Variants in LANCL1 observed in about 807,000 individuals in gnomAD.
The protein encoded by LANCL1 is LanC like glutathione S-transferase 1, also known as glutathione S-transferase LANCL1.
In LANCL1, 50 loss-of-function variants were observed where a neutral mutation model predicts 50.6. The ratio of observed to expected loss-of-function variants is 0.99; its 90% CI spans 0.79 to 1.25. The LOEUF (loss-of-function observed/expected upper bound fraction) is 1.25. Among genes scored for constraint, LANCL1 ranks in the 50% most tolerant of loss-of-function variants. The pLI is 0.00. For synonymous variants in LANCL1, 188 were observed against 178.6 expected (o/e 1.05, Z -0.42); for missense variants, 532 against 480.7 (o/e 1.11, Z -1.00).
In LANCL1 at chr2:210,459,908, C is replaced by A. The variant is rs1192103627; in HGVS notation, c.200-4594G>T. On this transcript the variant is annotated intron_variant, in intron 3 of 9. Coordinates refer to ENST00000450366, the MANE Select transcript of LANCL1 (RefSeq NM_006055.3). Reference sequence around the variant, plus strand: ...GATGGGAGGGTAAATTATTTAGGGACACTTCTAAATCTGCAATTTCCTTAC... The same window carrying A: ...GATGGGAGGGTAAATTATTTAGGGAAACTTCTAAATCTGCAATTTCCTTAC... 2.6e-5 allele frequency among the ~76,000 whole-genome samples: 4 copies of A among 151,526 alleles called. No individual in the cohort carries two copies. In the East Asian group the frequency reaches 5.8e-4, roughly 22 times the overall value.
In LANCL1 at chr2:210,441,377, G is replaced by A. The variant is rs372717552; in HGVS notation, c.474C>T (p.Tyr158=). 22 of 1,613,114 alleles carry A rather than the reference G, an allele frequency of 1.4e-5. No individual in the cohort carries two copies. The African/African-American group carries it at 2.3e-4, about 17-fold the overall frequency. The part of the protein sequence containing the change: ...PNEMLYGRIG[Y]IYALLFVNKN... ...TATTGACAAAAAGAAGAGCATAGAT[G>A]TAGCCTATTCGCCCATAGAGCATTT... is the stretch of plus-strand genomic sequence containing the variant. Residue 158 remains tyrosine, a synonymous_variant, in exon 5 of 10, where the codon TAC becomes TAT. Transcript: ENST00000450366.
At chr2:210,449,537 CAGAT>C (rs1225154244) in intron 4 of LANCL1, among the ~76,000 whole-genome samples, 1 of 152,138 alleles carries the variant, frequency 6.6e-6, no homozygotes, top group Non-Finnish European at 1.5e-5. Context: ...AAAGGGTACT[CAGAT>C]AGGAACAGAG....
In LANCL1 at chr2:210,471,372, T is replaced by G. The variant is rs190141228; in HGVS notation, c.199+587A>C. The stretch of plus-strand genomic sequence containing the variant: ...TTCTTTGATTTTTCTCTTTCTCACC[T>G]TTTTTTGACATCAATGCACTGTTTC... On this transcript the variant is annotated intron_variant, in intron 3 of 9. Coordinates refer to ENST00000450366, the MANE Select transcript of LANCL1 (RefSeq NM_006055.3). 2.7e-5 allele frequency: 9 copies of G among 336,716 alleles called. 2 individuals are homozygous for G. The highest frequency in any genetic ancestry group is 1.9e-4 in the South Asian group (8 of 42,572). 20.9% of individuals were successfully genotyped at this position (336,716 alleles called of 1,614,324 possible). A position where few individuals can be genotyped will look rare whatever the true frequency, so the allele number is the denominator to read the frequency against.
intron 6 of LANCL1, among the ~76,000 whole-genome samples, chr2:210,438,133 CTTTTTTTTTTT>C (rs397869730): frequency 1.5e-5 from 2 of 130,632 alleles, no homozygotes; most frequent in African/African-American, 5.7e-5. Flanking sequence ...GTTTTTCTTT[CTTTTTTTTTTT>C]TTTTTTTGAG....
At chr2:210,465,495 A>C (rs549299311) in intron 3 of LANCL1, among the ~76,000 whole-genome samples, 1 of 152,358 alleles carries the variant, frequency 6.6e-6, no homozygotes, top group African/African-American at 2.4e-5. Context: ...AAGAATGAAA[A>C]GGAAATTCAT....
At position 210,456,963 on chromosome 2, in the gene LANCL1, T is replaced by C. The variant is rs114958416; in HGVS notation, c.200-1649A>G. Reference sequence around the variant, plus strand: ...TTTCTCATGAAAAACAGGTAATCATTTCTCAAGTCTCACAAGAGTACATTT... The same window carrying C: ...TTTCTCATGAAAAACAGGTAATCATCTCTCAAGTCTCACAAGAGTACATTT... On this transcript the variant is annotated intron_variant, in intron 3 of 9. Coordinates refer to ENST00000450366, the MANE Select transcript of LANCL1 (RefSeq NM_006055.3). Among the ~76,000 whole-genome samples the C allele has an allele frequency of 7.2e-3, 1,104 of 152,328 alleles. 10 individuals carry two copies. The highest frequency in any genetic ancestry group is 0.025 in the African/African-American group (1,040 of 41,582).
chr2:210,459,282 C>T (rs555761325), intron 3 of LANCL1, among the ~76,000 whole-genome samples: 2 of 151,964 alleles, frequency 1.3e-5, no homozygotes, highest in South Asian at 4.1e-4. Flanking sequence ...ATACTATATA[C>T]AAAAGTCAAC....
chr2:210,443,492 C>T (rs371212289), intron 4 of LANCL1, among the ~76,000 whole-genome samples: 55 of 152,278 alleles, frequency 3.6e-4, no homozygotes, highest in African/African-American at 1.3e-3. Context: ...TTAGCCCTAA[C>T]AAATGTTATC....
chr2:210,436,102 G>A (rs1360754374), intron 8 of LANCL1, 114 bp downstream of exon 8: 2 of 813,416 alleles, frequency 2.5e-6, no homozygotes, highest in African/African-American at 1.7e-5. Context: ...TGTTAGCCAG[G>A]CTGGTCTCGA....
chr2:210,442,034 G>A (rs906864615), intron 4 of LANCL1, among the ~76,000 whole-genome samples: 1 of 151,786 alleles, frequency 6.6e-6, no homozygotes, highest in African/African-American at 2.4e-5. Context: ...CCTCGCGAGG[G>A]GATGGGATTA....
rs1218557795 is a variant in LANCL1 at position 210,435,402 on chromosome 2, A to G, written c.1108T>C (p.Phe370Leu). 4 of 1,612,460 alleles carry G rather than the reference A, an allele frequency of 2.5e-6. No homozygotes were observed. The highest frequency in any genetic ancestry group is 3.4e-6 in the Non-Finnish European group (4 of 1,178,562). The change falls in exon 9 of 10, where the codon TTC becomes CTC. Residue 370 changes from phenylalanine (F) to leucine (L), a missense_variant. Physicochemically the swap from Phe to Leu is conservative, Grantham distance 22. Coordinates refer to ENST00000450366, the MANE Select transcript of LANCL1 (RefSeq NM_006055.3). ...TACAAAATACCTTCAAAGAGAGAGA[A>G]AGGGGTGTCTGGTGTTCTGCATCCA... ...EHGCRTPDTP[F>L]SLFEGMAGTI...
chr2:210,477,506 G>C, upstream of LANCL1: 1 of 1,280,004 alleles, frequency 7.8e-7, no homozygotes, highest in Non-Finnish European at 9.9e-7. Flanking sequence ...CAGTTAAAAA[G>C]TCAGCCTCAC....
intron 6 of LANCL1, among the ~76,000 whole-genome samples, chr2:210,439,312 T>C (rs1444919660): frequency 1.3e-5 from 2 of 152,214 alleles, no homozygotes; most frequent in African/African-American, 2.4e-5. Context: ...AGGCAGAGTA[T>C]GTCTCCTGAT....
chr2:210,462,390 G>GTCA (rs1223598612), intron 3 of LANCL1, among the ~76,000 whole-genome samples: 6 of 152,202 alleles, frequency 3.9e-5, no homozygotes, highest in African/African-American at 1.2e-4. Flanking sequence ...GCAGGCATAT[G>GTCA]TCATACATCA....
intron 4 of LANCL1, among the ~76,000 whole-genome samples, chr2:210,452,386 A>C (rs1693536785): frequency 6.6e-6 from 1 of 152,194 alleles, no homozygotes. Flanking sequence ...GGGAACAGGC[A>C]ACACACTTTA....
chr2:210,467,113 G>C (rs906688148), intron 3 of LANCL1, among the ~76,000 whole-genome samples: 11 of 152,190 alleles, frequency 7.2e-5, no homozygotes, highest in African/African-American at 2.7e-4. Flanking sequence ...AGCAGCACCA[G>C]AAAATGAACT....
rs760716528 is a variant in LANCL1 at position 210,472,055 on chromosome 2, G to A, written c.103C>T (p.Arg35Cys). The A allele has an allele frequency of 2.7e-5, 44 of 1,613,750 alleles. No individual in the cohort carries two copies. The highest frequency in any genetic ancestry group is 8.0e-5 in the African/African-American group (6 of 74,918). Residue 35 changes from arginine (R) to cysteine (C), a missense_variant, in exon 3 of 10, where the codon CGC becomes TGC. By Grantham distance (180) the Arg-to-Cys change is radical. Transcript: ENST00000450366. The part of the protein sequence containing the change: ...AGRLTPEFSQ[R>C]LTNKIRELLQ... ...AGCTCCCGAATCTTATTGGTCAAGC[G>A]TTGTGAGAACTCAGGAGTCAGCTAG...
intron 4 of LANCL1, among the ~76,000 whole-genome samples, chr2:210,450,213 T>C (rs1327421674): frequency 6.6e-6 from 1 of 152,170 alleles, no homozygotes; most frequent in Non-Finnish European, 1.5e-5. Context: ...ATCTGATCTT[T>C]GACAAACCTG....
In LANCL1 at chr2:210,476,701, T is replaced by C; in HGVS notation, c.-98A>G. 8.5e-7 allele frequency: 1 copy of C among 1,176,372 alleles called. No homozygotes were observed. The highest frequency in any genetic ancestry group is 1.1e-6 in the Non-Finnish European group (1 of 947,512). The allele number at this position is 1,176,372 out of a possible 1,614,324, so 72.9% of individuals were successfully genotyped here. ...GTGCGCCTCCCGCGTCCTGAAGCCC[T>C]TCTCGGCCCTGGCCTCTCACCCCGC... On this transcript the variant is annotated 5_prime_UTR_variant, in exon 1 of 10. Transcript: ENST00000450366.
Sources: allele counts gnomAD v4.1 joint callset (sites outside exome capture counted in the v4.1 genomes callset), GRCh38; gene constraint gnomAD v4.1.1; transcripts MANE v1.5; gene names NCBI Gene and HGNC (gene_info 2026-07-23, HGNC 2026-07-21).